GRB14: variants seen among roughly 807,000 people sequenced by gnomAD.
GRB14 encodes growth factor receptor-bound protein 14.
GRB14 carries 38 observed loss-of-function variants against 69.1 expected under a neutral mutation model. The observed-to-expected ratio is 0.55, with a 90% confidence interval of 0.42 to 0.72. The LOEUF is 0.72. GRB14 is among the 30% of genes least tolerant of loss of function. The pLI, the probability that GRB14 is intolerant of heterozygous loss-of-function variation, is 0.00. For missense variants in GRB14, 666 were observed against 666.1 expected (o/e 1.00, Z 0.00); for synonymous variants, 247 against 241.3 (o/e 1.02, Z -0.22).
chr2:164,526,752 A>G (rs1255600643), intron 4 of GRB14, among the ~76,000 whole-genome samples: 1 of 151,988 alleles, frequency 6.6e-6, no homozygotes, highest in African/African-American at 2.4e-5. Flanking sequence ...AATACTTTTA[A>G]ATTAAATAAA....
intron 2 of GRB14, chr2:164,574,178 C>T (rs1689189382): frequency 8.5e-6 from 5 of 591,640 alleles, no homozygotes; most frequent in East Asian, 8.3e-5. Context: ...ATCTGATCCA[C>T]CACTAGCCAT....
intron 2 of GRB14, chr2:164,568,226 A>C (rs1689031458): frequency 1.6e-5 from 11 of 707,570 alleles, no homozygotes; most frequent in Admixed American, 1.1e-4. Flanking sequence ...ATGTAAGTAA[A>C]GCTTCCTATG....
chr2:164,555,312 T>C (rs1194935381), intron 2 of GRB14, among the ~76,000 whole-genome samples: 1 of 152,234 alleles, frequency 6.6e-6, no homozygotes, highest in African/African-American at 2.4e-5. Flanking sequence ...GGATCTGCCA[T>C]GACTGGAAAG....
At chr2:164,586,804 C>T (rs1689549887) in intron 2 of GRB14, among the ~76,000 whole-genome samples, 1 of 152,156 alleles carries the variant, frequency 6.6e-6, no homozygotes, top group African/African-American at 2.4e-5. Flanking sequence ...AATTACCATA[C>T]TGGGTACTGG....
At chr2:164,494,979 T>A (rs1686854438) in intron 12 of GRB14, among the ~76,000 whole-genome samples, 2 of 152,012 alleles carry the variant, frequency 1.3e-5, no homozygotes, top group Non-Finnish European at 2.9e-5. Flanking sequence ...TGAAACAGGG[T>A]CTCGCTCTGT....
intron 2 of GRB14, among the ~76,000 whole-genome samples, chr2:164,584,756 C>A (rs2105341003): frequency 6.6e-6 from 1 of 152,196 alleles, no homozygotes; most frequent in Non-Finnish European, 1.5e-5. Context: ...CATAACAAAC[C>A]ACCATACAAT....
At chr2:164,618,062 G>T (rs1035542985) in intron 2 of GRB14, among the ~76,000 whole-genome samples, 1 of 151,828 alleles carries the variant, frequency 6.6e-6, no homozygotes, top group African/African-American at 2.4e-5. Flanking sequence ...CGCCTCCTGG[G>T]TTCAAGCGAT....
At chr2:164,605,765 T>C (rs1355023946) in intron 2 of GRB14, among the ~76,000 whole-genome samples, 5 of 152,126 alleles carry the variant, frequency 3.3e-5, no homozygotes, top group Non-Finnish European at 7.4e-5. Flanking sequence ...GGAAAATAGT[T>C]CAAATGTTTA....
chr2:164,619,507 G>A lies in GRB14; in HGVS notation c.324+180C>T, dbSNP rs117368015. On this transcript the variant is annotated intron_variant, in intron 2 of 13. Coordinates refer to ENST00000263915, the MANE Select transcript of GRB14 (RefSeq NM_004490.3). ...GTAGGTTTTAACATTCCCATTATAC[G>A]GCTTAGAAGAATAAGGCCCTAAATG... 1.2e-3 allele frequency among the ~76,000 whole-genome samples: 177 copies of A among 152,160 alleles called. 3 individuals carry two copies. In the East Asian group the frequency reaches 0.027, roughly 23 times the overall value.
At position 164,547,660 on chromosome 2, in the gene GRB14, C is replaced by G. The variant is rs1161361021; in HGVS notation, c.481G>C (p.Glu161Gln). 2 of 1,612,416 alleles carry G rather than the reference C, an allele frequency of 1.2e-6. No homozygotes were observed. Among genetic ancestry groups the G allele is most frequent in the Non-Finnish European group, 1.7e-6 (2 of 1,178,886 alleles). ...TGAGACAATAACTCCGTATCCTTAC[C>G]TACACCTATGTGAGGCAGGTGCTCA... ...LFEHLPHIGV[E>Q]RTIEDHELVI... is the part of the protein sequence containing the mutation. The change falls in exon 3 of 14, where the codon GAA (glutamate) becomes CAA (glutamine). Residue 161 changes from glutamate to glutamine, a missense_variant and splice_region_variant. Glu to Gln is a conservative substitution (Grantham distance 29). Transcript: ENST00000263915.
At chr2:164,587,754 T>G (rs1689572115) in intron 2 of GRB14, among the ~76,000 whole-genome samples, 1 of 152,198 alleles carries the variant, frequency 6.6e-6, no homozygotes, top group African/African-American at 2.4e-5. Flanking sequence ...AAAACTGACA[T>G]TTAGGATTAT....
At chr2:164,567,239 A>G (rs1269402199) in intron 2 of GRB14, among the ~76,000 whole-genome samples, 1 of 152,218 alleles carries the variant, frequency 6.6e-6, no homozygotes, top group Non-Finnish European at 1.5e-5. Context: ...AAATTATCAT[A>G]TAGCTGTTCC....
rs566672506 is a variant in GRB14 at position 164,603,568 on chromosome 2, G to T, written c.324+16119C>A. Among the ~76,000 whole-genome samples the T allele has an allele frequency of 2.8e-3, 425 of 151,962 alleles. 2 individuals carry two copies. The highest frequency in any genetic ancestry group is 9.4e-3 in the African/African-American group (390 of 41,428). ...AATCCCAGCTACTCTGGAGTCTGAG[G>T]CAGGAGAGTCACTTGAACCTGGAGG... On this transcript the variant is annotated intron_variant, in intron 2 of 13. Coordinates refer to ENST00000263915, the MANE Select transcript of GRB14 (RefSeq NM_004490.3).
chr2:164,500,376 G>A (rs1273159212), intron 9 of GRB14, among the ~76,000 whole-genome samples: 1 of 151,768 alleles, frequency 6.6e-6, no homozygotes, highest in Non-Finnish European at 1.5e-5. Context: ...GAAAAGTTAG[G>A]AAAAGAAAGA....
chr2:164,603,198 G>A (rs1163154894), intron 2 of GRB14, among the ~76,000 whole-genome samples: 1 of 152,022 alleles, frequency 6.6e-6, no homozygotes, highest in Non-Finnish European at 1.5e-5. Context: ...CCTATGAAAA[G>A]GGGAACTTAA....
Position 164,497,303 on chromosome 2 carries a change from A to C in GRB14, c.1222-20T>G. 1 of 1,610,980 alleles carries C rather than the reference A, an allele frequency of 6.2e-7. No homozygotes were observed. The highest frequency in any genetic ancestry group is 8.5e-7 in the Non-Finnish European group (1 of 1,178,858). ...TTTTTTCTGAGCAAGGAAGGAGAAA[A>C]CAAATCTCAAGTTTTTAGGTGAAAC... On this transcript the variant is annotated intron_variant, in intron 10 of 13. Coordinates refer to ENST00000263915, the MANE Select transcript of GRB14 (RefSeq NM_004490.3).
At chr2:164,604,236 T>C (rs1183489085) in intron 2 of GRB14, among the ~76,000 whole-genome samples, 6 of 152,122 alleles carry the variant, frequency 3.9e-5, no homozygotes, top group Admixed American at 3.9e-4. Context: ...ATACATACAA[T>C]AGAGAAACCC....
At chr2:164,607,145 T>C (rs1002076160) in intron 2 of GRB14, among the ~76,000 whole-genome samples, 2 of 152,216 alleles carry the variant, frequency 1.3e-5, no homozygotes, top group African/African-American at 2.4e-5. Flanking sequence ...AGACTCTTCC[T>C]GGAAAATAAA....
intron 3 of GRB14, among the ~76,000 whole-genome samples, chr2:164,530,315 A>T (rs1687892079): frequency 6.6e-6 from 1 of 152,000 alleles, no homozygotes; most frequent in Non-Finnish European, 1.5e-5. Context: ...GTGAGAATTC[A>T]CTCATTACCA....
Sources: gnomAD v4.1 joint callset for allele counts (sites outside exome capture counted in the v4.1 genomes callset) on GRCh38, gnomAD v4.1.1 for gene constraint, MANE v1.5 for transcripts, NCBI Gene and HGNC (gene_info 2026-07-23, HGNC 2026-07-21) for gene names.